GALNTL6: variants seen among roughly 807,000 people sequenced by gnomAD.
The protein encoded by GALNTL6 is polypeptide N-acetylgalactosaminyltransferase-like 6.
A neutral mutation model predicts 73.7 loss-of-function variants in GALNTL6; 46 were observed. The observed-to-expected ratio is 0.62, with a 90% CI of 0.49 to 0.80. The LOEUF is 0.80. GALNTL6 is among the 30% of genes least tolerant of loss of function. The pLI is 0.00. For synonymous variants in GALNTL6, 259 were observed against 263.7 expected, an observed-to-expected ratio of 0.98 and a Z score of 0.17; for missense variants, 604 against 755.0, an observed-to-expected ratio of 0.80 and a Z score of 2.34.
intron 2 of GALNTL6, among the ~76,000 whole-genome samples, chr4:171,888,628 AT>A (rs1436108350): frequency 1.3e-4 from 20 of 152,156 alleles, no homozygotes; most frequent in African/African-American, 4.3e-4. Flanking sequence ...CCCTACCCAC[AT>A]TGGTCAAACC....
At chr4:172,607,586 AATG>A (rs1324857547) in intron 5 of GALNTL6, among the ~76,000 whole-genome samples, 2 of 152,104 alleles carry the variant, frequency 1.3e-5, no homozygotes, top group Non-Finnish European at 2.9e-5. Context: ...TTTATGGTAG[AATG>A]ATTTCTATTC....
chr4:172,622,762 G>A (rs1392238170), intron 5 of GALNTL6, among the ~76,000 whole-genome samples: 1 of 152,116 alleles, frequency 6.6e-6, no homozygotes, highest in East Asian at 1.9e-4. Flanking sequence ...TTGTGTGCCA[G>A]GTACAGTAGA....
intron 2 of GALNTL6, among the ~76,000 whole-genome samples, chr4:172,127,494 A>C (rs111623897): frequency 2.0e-5 from 3 of 152,368 alleles, no homozygotes; most frequent in African/African-American, 7.2e-5. Flanking sequence ...GTTATTTTAC[A>C]TGTACCTAAT....
At chr4:172,225,363 A>G (rs1324434313) in intron 2 of GALNTL6, among the ~76,000 whole-genome samples, 1 of 151,890 alleles carries the variant, frequency 6.6e-6, no homozygotes, top group Non-Finnish European at 1.5e-5. Context: ...TCAGCCCTCA[A>G]TATGAAAAAG....
At chr4:172,495,211 C>A (rs1734031322) in intron 5 of GALNTL6, among the ~76,000 whole-genome samples, 1 of 152,040 alleles carries the variant, frequency 6.6e-6, no homozygotes, top group African/African-American at 2.4e-5. Flanking sequence ...AAAATATAGG[C>A]AAAAGGTGAG....
chr4:172,779,552 G>A (rs1260726826), intron 5 of GALNTL6, among the ~76,000 whole-genome samples: 1 of 152,190 alleles, frequency 6.6e-6, no homozygotes, highest in South Asian at 2.1e-4. Context: ...CCATTCAAAC[G>A]TCCCTTTCTC....
intron 2 of GALNTL6, among the ~76,000 whole-genome samples, chr4:171,956,941 G>A (rs991920966): frequency 6.6e-6 from 1 of 152,134 alleles, no homozygotes; most frequent in Non-Finnish European, 1.5e-5. Context: ...ATCCTGCCTT[G>A]CTGTTTAGCA....
At chr4:172,302,453 G>T (rs1003918916) in intron 3 of GALNTL6, among the ~76,000 whole-genome samples, 1 of 152,202 alleles carries the variant, frequency 6.6e-6, no homozygotes, top group South Asian at 2.1e-4. Flanking sequence ...TTCGTCTTCT[G>T]CTTCGCTCAT....
intron 2 of GALNTL6, among the ~76,000 whole-genome samples, chr4:171,890,335 CCTT>C (rs1180510443): frequency 6.6e-6 from 1 of 152,024 alleles, no homozygotes; most frequent in Non-Finnish European, 1.5e-5. Flanking sequence ...AAAATTCTTT[CCTT>C]CATTTGTTTC....
intron 2 of GALNTL6, among the ~76,000 whole-genome samples, chr4:172,130,136 C>A (rs1224424679): frequency 6.6e-6 from 1 of 150,736 alleles, no homozygotes; most frequent in African/African-American, 2.4e-5. Flanking sequence ...AAGGTGGGTG[C>A]CAGTCAGGTT....
intron 5 of GALNTL6, among the ~76,000 whole-genome samples, chr4:172,382,261 G>A (rs539378069): frequency 1.1e-4 from 16 of 151,308 alleles, no homozygotes; most frequent in Non-Finnish European, 1.3e-4. Context: ...GAGCCACCAC[G>A]CCCAGCCAAT....
chr4:172,702,834 G>C (rs1248421623), intron 5 of GALNTL6, among the ~76,000 whole-genome samples: 1 of 148,148 alleles, frequency 6.8e-6, no homozygotes, highest in Non-Finnish European at 1.5e-5. Flanking sequence ...AGTTTTTTTT[G>C]TCATTATAAA....
chr4:172,366,665 C>T (rs17058341), intron 5 of GALNTL6, among the ~76,000 whole-genome samples: 2,503 of 152,246 alleles, frequency 0.016, 62 homozygotes, highest in African/African-American at 0.057. Context: ...GATCAAAGCA[C>T]TACAGGTCTG....
At chr4:172,560,972 G>A (rs1736330577) in intron 5 of GALNTL6, among the ~76,000 whole-genome samples, 2 of 151,978 alleles carry the variant, frequency 1.3e-5, no homozygotes, top group South Asian at 2.1e-4. Context: ...AATATTGCCC[G>A]GCCGGGCGCG....
intron 5 of GALNTL6, among the ~76,000 whole-genome samples, chr4:172,574,643 A>C (rs1266486193): frequency 2.6e-5 from 4 of 151,818 alleles, no homozygotes; most frequent in Admixed American, 1.3e-4. Flanking sequence ...AGCAACAACT[A>C]ATAACAATAA....
intron 7 of GALNTL6, among the ~76,000 whole-genome samples, chr4:172,848,522 G>A (rs576683310): frequency 3.3e-5 from 5 of 152,248 alleles, no homozygotes; most frequent in African/African-American, 7.2e-5. Context: ...CAGGGGAAAC[G>A]TCTCAGTTAT....
At chr4:171,916,242 A>G (rs150662831) in intron 2 of GALNTL6, among the ~76,000 whole-genome samples, 1 of 152,202 alleles carries the variant, frequency 6.6e-6, no homozygotes, top group Non-Finnish European at 1.5e-5. Flanking sequence ...TAAAATATCT[A>G]GAAAAGAGAT....
chr4:171,931,191 T>G (rs537750029), intron 2 of GALNTL6, among the ~76,000 whole-genome samples: 32 of 152,264 alleles, frequency 2.1e-4, no homozygotes, highest in Non-Finnish European at 3.8e-4. Context: ...ATTAGTAGTA[T>G]TATTTTTAGA....
chr4:172,400,940 C>A (rs182000716), intron 5 of GALNTL6, among the ~76,000 whole-genome samples: 1 of 151,984 alleles, frequency 6.6e-6, no homozygotes, highest in African/African-American at 2.4e-5. Flanking sequence ...TGAAATGAAA[C>A]CTAGGTCCAA....
Sources: allele counts gnomAD v4.1 joint callset (sites outside exome capture counted in the v4.1 genomes callset), GRCh38; gene constraint gnomAD v4.1.1; transcripts MANE v1.5; gene names NCBI Gene and HGNC (gene_info 2026-07-23, HGNC 2026-07-21).